SPAG16: variants seen among roughly 807,000 people sequenced by gnomAD.
SPAG16 encodes the protein sperm associated antigen 16.
Under a neutral mutation model 80.4 loss-of-function variants are expected in SPAG16, and 86 were observed. The ratio of observed to expected loss-of-function variants is 1.07; its 90% CI spans 0.90 to 1.28. SPAG16 has a LOEUF of 1.28. Among genes scored for constraint, SPAG16 ranks in the 50% most tolerant of loss-of-function variants. SPAG16 has a pLI of 0.00. For synonymous variants in SPAG16, 294 were observed against 265.9 expected, an observed-to-expected ratio of 1.11 and a Z score of -1.03; for missense variants, 870 against 765.3, an observed-to-expected ratio of 1.14 and a Z score of -1.61.
At chr2:214,076,010 T>A (rs6715771) in intron 13 of SPAG16, among the ~76,000 whole-genome samples, 18 of 152,092 alleles carry the variant, frequency 1.2e-4, no homozygotes, top group Admixed American at 1.0e-3. Context: ...TATGTCTATA[T>A]TTGAATGCAT....
At chr2:214,372,137 C>T (rs894263685) in intron 15 of SPAG16, among the ~76,000 whole-genome samples, 2 of 152,086 alleles carry the variant, frequency 1.3e-5, no homozygotes, top group African/African-American at 4.8e-5. Context: ...CAGATTCATA[C>T]AGCAATCAGA....
chr2:214,035,371 C>T (rs1411513046), intron 13 of SPAG16, among the ~76,000 whole-genome samples: 1 of 152,210 alleles, frequency 6.6e-6, no homozygotes, highest in East Asian at 1.9e-4. Context: ...AGCCTGTCTG[C>T]TTTCTGCTGC....
At chr2:213,989,762 C>T (rs1294865141) in intron 12 of SPAG16, among the ~76,000 whole-genome samples, 1 of 152,036 alleles carries the variant, frequency 6.6e-6, no homozygotes, top group African/African-American at 2.4e-5. Context: ...CAGACATTTT[C>T]ATTTTATCTT....
chr2:213,407,618 A>T (rs1461780644), intron 9 of SPAG16, among the ~76,000 whole-genome samples: 1 of 129,410 alleles, frequency 7.7e-6, no homozygotes, highest in Non-Finnish European at 1.8e-5. Context: ...AGAGAGAGAG[A>T]GAGAGAGAGA....
At chr2:213,380,486 C>T (rs369369131) in intron 9 of SPAG16, among the ~76,000 whole-genome samples, 160 of 152,248 alleles carry the variant, frequency 1.1e-3, no homozygotes, top group Non-Finnish European at 1.9e-3. Context: ...CTTGTGCCTT[C>T]GGGACCTGCT....
chr2:214,392,402 C>T lies in SPAG16; in HGVS notation c.1721-17738C>T, dbSNP rs561235459. 1.6e-4 allele frequency among the ~76,000 whole-genome samples: 25 copies of T among 152,104 alleles called. No homozygotes were observed. The East Asian group carries it at 4.7e-3, about 28-fold the overall frequency. On this transcript the variant is annotated intron_variant, in intron 15 of 15. Coordinates refer to ENST00000331683, the MANE Select transcript of SPAG16 (RefSeq NM_024532.5). ...AACTCCTGACCTCAAGTGATCCACC[C>T]GCCTCAGCCTCCCAAAGGCTGGGAT...
intron 11 of SPAG16, among the ~76,000 whole-genome samples, chr2:213,922,319 G>A (rs1468779778): frequency 6.6e-6 from 1 of 152,028 alleles, no homozygotes; most frequent in Admixed American, 6.6e-5. Flanking sequence ...CTATCCTGCT[G>A]TTTATACTTG....
chr2:214,275,705 A>G (rs930279688), intron 15 of SPAG16, among the ~76,000 whole-genome samples: 1 of 152,208 alleles, frequency 6.6e-6, no homozygotes, highest in African/African-American at 2.4e-5. Context: ...GGAGTGCTTT[A>G]CTTCCAACTA....
intron 12 of SPAG16, among the ~76,000 whole-genome samples, chr2:214,005,219 G>T (rs2046975073): frequency 6.6e-6 from 1 of 152,080 alleles, no homozygotes; most frequent in Non-Finnish European, 1.5e-5. Flanking sequence ...CAGCCCTCCT[G>T]CACCCATATT....
At chr2:213,376,385 C>T (rs1039532315) in intron 9 of SPAG16, among the ~76,000 whole-genome samples, 4 of 151,954 alleles carry the variant, frequency 2.6e-5, no homozygotes, top group African/African-American at 9.7e-5. Context: ...AGGAAAAGTA[C>T]ATTGCATATT....
At chr2:213,366,449 G>A (rs2066295347) in intron 8 of SPAG16, among the ~76,000 whole-genome samples, 1 of 152,102 alleles carries the variant, frequency 6.6e-6, no homozygotes, top group South Asian at 2.1e-4. Context: ...TGGACTCACA[G>A]TTCCACATAG....
At chr2:213,582,562 A>C (rs1289280298) in intron 10 of SPAG16, among the ~76,000 whole-genome samples, 1 of 152,162 alleles carries the variant, frequency 6.6e-6, no homozygotes, top group African/African-American at 2.4e-5. Context: ...GGACTTTAAA[A>C]AGAGGAGTTT....
At chr2:213,359,523 A>G (rs1028582974) in intron 7 of SPAG16, among the ~76,000 whole-genome samples, 21 of 152,308 alleles carry the variant, frequency 1.4e-4, no homozygotes, top group African/African-American at 4.6e-4. Flanking sequence ...TCGCAGGTCA[A>G]TCTCAGACTA....
intron 10 of SPAG16, among the ~76,000 whole-genome samples, chr2:213,779,950 T>C (rs2069840443): frequency 6.6e-6 from 1 of 152,182 alleles, no homozygotes; most frequent in Admixed American, 6.5e-5. Context: ...CTCAGAAAAG[T>C]ACAGATCCAG....
chr2:213,957,932 T>G (rs985205973), intron 12 of SPAG16, among the ~76,000 whole-genome samples: 8 of 152,156 alleles, frequency 5.3e-5, no homozygotes, highest in African/African-American at 1.9e-4. Flanking sequence ...AAGCCCCGAC[T>G]GGGAGGAGTA....
chr2:213,603,412 C>A (rs1253474854), intron 10 of SPAG16, among the ~76,000 whole-genome samples: 1 of 152,106 alleles, frequency 6.6e-6, no homozygotes, highest in Non-Finnish European at 1.5e-5. Flanking sequence ...TTGATTATGC[C>A]ATGTTTTGAT....
chr2:213,640,660 G>A (rs548677201), intron 10 of SPAG16, among the ~76,000 whole-genome samples: 2 of 152,292 alleles, frequency 1.3e-5, no homozygotes, highest in Admixed American at 6.5e-5. Context: ...GCAGGAGAGC[G>A]AATTTGAGGC....
intron 15 of SPAG16, among the ~76,000 whole-genome samples, chr2:214,216,656 G>A (rs1484655130): frequency 6.6e-6 from 1 of 152,226 alleles, no homozygotes; most frequent in Admixed American, 6.5e-5. Flanking sequence ...TTGGAGCACA[G>A]TACATTTTTG....
intron 11 of SPAG16, among the ~76,000 whole-genome samples, chr2:213,905,987 G>A (rs1032958625): frequency 6.6e-5 from 10 of 152,170 alleles, no homozygotes; most frequent in African/African-American, 2.2e-4. Context: ...AATCAACTTT[G>A]AGATGAATAA....
Sources: gnomAD v4.1 joint callset for allele counts (sites outside exome capture counted in the v4.1 genomes callset) on GRCh38, gnomAD v4.1.1 for gene constraint, MANE v1.5 for transcripts, NCBI Gene and HGNC (gene_info 2026-07-23, HGNC 2026-07-21) for gene names.